Variants in PAPPA2 observed in about 807,000 individuals in gnomAD.
PAPPA2 encodes pappalysin 2.
PAPPA2 carries 86 observed loss-of-function variants against 176.4 expected under a neutral mutation model. The ratio of observed to expected loss-of-function variants is 0.49; its 90% confidence interval spans 0.41 to 0.58. The LOEUF is 0.58. PAPPA2 is among the 20% of genes least tolerant of loss of function. The pLI is 0.00. For synonymous variants in PAPPA2, 809 were observed against 852.2 expected (o/e 0.95, Z 0.88); for missense variants, 2,073 against 2,256.9 (o/e 0.92, Z 1.65).
chr1:176,833,812 A>G (rs1366859675), intron 21 of PAPPA2, among the ~76,000 whole-genome samples: 1 of 151,872 alleles, frequency 6.6e-6, no homozygotes, highest in Admixed American at 6.6e-5. Context: ...CATGACCTAC[A>G]TATATATGTG....
chr1:176,717,958 T>A (rs1661450482), intron 12 of PAPPA2, among the ~76,000 whole-genome samples: 1 of 152,174 alleles, frequency 6.6e-6, no homozygotes, highest in African/African-American at 2.4e-5. Flanking sequence ...GCTAAATAAA[T>A]AAGTTTCTTA....
chr1:176,634,593 AAT>A (rs536134215), intron 3 of PAPPA2, among the ~76,000 whole-genome samples: 1 of 151,140 alleles, frequency 6.6e-6, no homozygotes, highest in African/African-American at 2.4e-5. Context: ...GTATAATAAA[AAT>A]ATATATATAT....
chr1:176,527,967 G>A (rs1357525975), intron 1 of PAPPA2, among the ~76,000 whole-genome samples: 2 of 152,212 alleles, frequency 1.3e-5, no homozygotes, highest in African/African-American at 4.8e-5. Flanking sequence ...ATTTCAACTT[G>A]TCCTGGACTT....
At chr1:176,786,317 C>G (rs1664933016) in intron 17 of PAPPA2, among the ~76,000 whole-genome samples, 1 of 151,968 alleles carries the variant, frequency 6.6e-6, no homozygotes, top group Admixed American at 6.6e-5. Flanking sequence ...CAAAACTCCT[C>G]TATGCTGATG....
At chr1:176,495,246 G>A (rs1327517481) in intron 1 of PAPPA2, among the ~76,000 whole-genome samples, 1 of 152,018 alleles carries the variant, frequency 6.6e-6, no homozygotes, top group East Asian at 1.9e-4. Context: ...TATAAATCAG[G>A]AAACTATAAA....
chr1:176,553,417 G>T (rs1651082610), intron 1 of PAPPA2: 1 of 152,040 alleles, frequency 6.6e-6, no homozygotes, highest in Non-Finnish European at 1.5e-5. Flanking sequence ...GGGAGGTGGG[G>T]TGTTGGTGGG....
intron 3 of PAPPA2, among the ~76,000 whole-genome samples, chr1:176,662,901 T>A (rs1199338279): frequency 6.6e-6 from 1 of 152,220 alleles, no homozygotes; most frequent in Admixed American, 6.5e-5. Flanking sequence ...TTTATTTCAA[T>A]AAGGAAATTT....
chr1:176,825,768 A>G (rs572491878), intron 21 of PAPPA2, among the ~76,000 whole-genome samples: 1 of 152,362 alleles, frequency 6.6e-6, no homozygotes, highest in South Asian at 2.1e-4. Context: ...TGAGCAAGGT[A>G]AATGGTAAGA....
intron 2 of PAPPA2, among the ~76,000 whole-genome samples, chr1:176,569,742 A>G (rs1220252492): frequency 6.6e-6 from 1 of 152,226 alleles, no homozygotes; most frequent in African/African-American, 2.4e-5. Context: ...GTGAGTTAAT[A>G]ACAAATAACT....
In PAPPA2 at chr1:176,844,040, C is replaced by T. The variant is rs1300618774; in HGVS notation, c.*1586C>T. 2.6e-5 allele frequency: 4 copies of T among 152,130 alleles called. No homozygotes were observed. The highest frequency in any genetic ancestry group is 9.7e-5 in the African/African-American group (4 of 41,446). 9.4% of individuals were successfully genotyped at this position (152,130 alleles called of 1,614,324 possible). ...AGCCTCTCTCTATTTACATCCCAGG[C>T]TCACTGGGATGTGATCTACTGCAGT... On this transcript the variant is annotated 3_prime_UTR_variant, in exon 23 of 23. Coordinates refer to ENST00000367662, the MANE Select transcript of PAPPA2 (RefSeq NM_020318.3).
rs188886236 is a variant in PAPPA2, at chr1:176,516,492, C to G, written c.-916-38915C>G. ...CAAAATCCATGTTGAAACTTAACTC[C>G]CAATGCAATACTATTCAAAGGTGGG... is the stretch of plus-strand genomic sequence containing the variant. On this transcript the variant is annotated intron_variant, in intron 1 of 22. Transcript: ENST00000367662. Among the ~76,000 whole-genome samples the G allele has an allele frequency of 1.8e-3, 269 of 152,170 alleles. 2 individuals carry two copies. The highest frequency in any genetic ancestry group is 6.2e-3 in the African/African-American group (256 of 41,514).
At chr1:176,496,133 G>A (rs1647604208) in intron 1 of PAPPA2, among the ~76,000 whole-genome samples, 1 of 152,088 alleles carries the variant, frequency 6.6e-6, no homozygotes, top group South Asian at 2.1e-4. Context: ...AGGTACATGT[G>A]CACAACGTGC....
At chr1:176,684,430 T>C (rs1318996458) in intron 4 of PAPPA2, among the ~76,000 whole-genome samples, 1 of 152,112 alleles carries the variant, frequency 6.6e-6, no homozygotes, top group Admixed American at 6.6e-5. Context: ...TGAAGTGTCC[T>C]GGTATAGTTG....
At chr1:176,622,409 A>C (rs1412035969) in intron 3 of PAPPA2, among the ~76,000 whole-genome samples, 1 of 152,200 alleles carries the variant, frequency 6.6e-6, no homozygotes, top group Non-Finnish European at 1.5e-5. Context: ...GTAGGTACTC[A>C]ACAAATTTGT....
intron 14 of PAPPA2, among the ~76,000 whole-genome samples, chr1:176,751,031 A>G (rs1016717319): frequency 6.6e-6 from 1 of 151,900 alleles, no homozygotes; most frequent in African/African-American, 2.4e-5. Flanking sequence ...GGTGTAAGGA[A>G]GGGATCCAGT....
At chr1:176,735,283 G>C (rs1448955701) in intron 12 of PAPPA2, among the ~76,000 whole-genome samples, 1 of 152,074 alleles carries the variant, frequency 6.6e-6, no homozygotes, top group East Asian at 1.9e-4. Context: ...TCTGGTCTAA[G>C]GTCTTCTGTT....
At chr1:176,695,998 G>A in intron 7 of PAPPA2, 139 bp downstream of exon 7, 1 of 910,704 alleles carries the variant, frequency 1.1e-6, no homozygotes, top group Admixed American at 2.6e-5. Context: ...GTGTGTGTGT[G>A]TGTGTGTGTT....
intron 22 of PAPPA2, 114 bp from the exon 23 acceptor site, chr1:176,842,266 T>C: frequency 1.1e-6 from 1 of 913,722 alleles, no homozygotes; most frequent in Non-Finnish European, 1.7e-6. Flanking sequence ...GTTTGTGATA[T>C]TGGCACATAA....
intron 12 of PAPPA2, among the ~76,000 whole-genome samples, chr1:176,733,864 C>A (rs1317674693): frequency 6.6e-6 from 1 of 152,004 alleles, no homozygotes; most frequent in East Asian, 1.9e-4. Flanking sequence ...ACTGAAACAG[C>A]CCCCGGCAGG....
Sources: gnomAD v4.1 joint callset for allele counts (sites outside exome capture counted in the v4.1 genomes callset) on GRCh38, gnomAD v4.1.1 for gene constraint, MANE v1.5 for transcripts, NCBI Gene and HGNC (gene_info 2026-07-23, HGNC 2026-07-21) for gene names.